SPATA31H1: variants seen among roughly 807,000 people sequenced by gnomAD.
SPATA31H1 encodes the protein SPATA31 subfamily H member 1.
the SPATA31H1 span, chr2:27,570,270 C>G: frequency 5.0e-6 from 2 of 398,706 alleles, no homozygotes; most frequent in African/African-American, 4.1e-5. Context: ...GAAATCTGTT[C>G]TGTCTACTGA....
the SPATA31H1 span, among the ~76,000 whole-genome samples, chr2:27,557,956 CA>C: frequency 2.5e-3 from 6 of 2,360 alleles, no homozygotes; most frequent in East Asian, 7.2e-3. Context: ...GCTGGCCAGG[CA>C]GAGGGGCTCC....
the SPATA31H1 span, among the ~76,000 whole-genome samples, chr2:27,546,462 G>C: frequency 6.6e-6 from 1 of 151,924 alleles, no homozygotes; most frequent in African/African-American, 2.4e-5. Flanking sequence ...AAATGAGTGA[G>C]GTACTCACCT....
At chr2:27,575,914 T>C in the SPATA31H1 span, 12 of 398,454 alleles carry the variant, frequency 3.0e-5, no homozygotes, top group Non-Finnish European at 5.3e-5. The surrounding 1 kb of genome is among the most constrained non-coding windows in gnomAD (Gnocchi z 4.1). Flanking sequence ...CTTCAAGGTA[T>C]GAAGTGTTCT....
chr2:27,570,669 T>C, the SPATA31H1 span: 1 of 398,034 alleles, frequency 2.5e-6, no homozygotes, highest in Non-Finnish European at 4.4e-6. Context: ...ACAGCTACAA[T>C]GTGTAAAAGT....
chr2:27,569,903 A>C, the SPATA31H1 span: 1 of 398,656 alleles, frequency 2.5e-6, no homozygotes, highest in Non-Finnish European at 4.4e-6. Context: ...AAGGCGAAAA[A>C]CCTGTAGAAT....
chr2:27,571,251 C>G, the SPATA31H1 span: 1 of 398,398 alleles, frequency 2.5e-6, no homozygotes, highest in South Asian at 1.3e-4. Context: ...GGGCTCAAAG[C>G]TTCAATCTGA....
chr2:27,541,423 GGGGAGA>G, the SPATA31H1 span, among the ~76,000 whole-genome samples: 17 of 151,716 alleles, frequency 1.1e-4, no homozygotes, highest in African/African-American at 3.9e-4. Context: ...AGAGGGGAGA[GGGGAGA>G]GGGAGAGGGA....
chr2:27,581,545 CAG>C, the SPATA31H1 span: 1 of 1,465,086 alleles, frequency 6.8e-7, no homozygotes, highest in Non-Finnish European at 9.3e-7. Context: ...CGCAGTCCCT[CAG>C]AGAGAAGCCA....
At chr2:27,539,899 C>T in the SPATA31H1 span, among the ~76,000 whole-genome samples, 531 of 121,104 alleles carry the variant, frequency 4.4e-3, 1 homozygote, top group Non-Finnish European at 7.2e-3. Context: ...CCGGATGGGG[C>T]GGCTGGCCGG....
chr2:27,582,696 T>G, the SPATA31H1 span: 1 of 655,994 alleles, frequency 1.5e-6, no homozygotes, highest in Non-Finnish European at 2.6e-6. Flanking sequence ...GTAATTTCTC[T>G]AAGATGAATA....
the SPATA31H1 span, chr2:27,571,915 G>T: frequency 1.5e-5 from 6 of 398,296 alleles, no homozygotes; most frequent in African/African-American, 1.2e-4. Context: ...CAGTTTCAAG[G>T]GATGGCACCT....
At chr2:27,563,610 A>T in the SPATA31H1 span, among the ~76,000 whole-genome samples, 1 of 150,058 alleles carries the variant, frequency 6.7e-6, no homozygotes, top group African/African-American at 2.5e-5. Flanking sequence ...CCCAGCCTGG[A>T]GTTCAGTGGC....
At chr2:27,552,393 A>G in the SPATA31H1 span, among the ~76,000 whole-genome samples, 1 of 151,918 alleles carries the variant, frequency 6.6e-6, no homozygotes, top group African/African-American at 2.4e-5. Flanking sequence ...TAGAAAATCA[A>G]TTGATTTGTA....
the SPATA31H1 span, chr2:27,571,361 AC>A: frequency 5.0e-6 from 2 of 398,264 alleles, no homozygotes; most frequent in Non-Finnish European, 8.9e-6. Flanking sequence ...TAACCTTCCC[AC>A]AGCCGGAAGG....
chr2:27,562,983 T>G, the SPATA31H1 span, among the ~76,000 whole-genome samples: 1 of 152,186 alleles, frequency 6.6e-6, no homozygotes, highest in East Asian at 1.9e-4. Flanking sequence ...TCAGATCATC[T>G]TCTATGTTTT....
chr2:27,581,327 C>T, the SPATA31H1 span: 3 of 1,614,030 alleles, frequency 1.9e-6, no homozygotes, highest in South Asian at 3.3e-5. Flanking sequence ...ATCACAGTCC[C>T]TCTCAGAGGA....
At chr2:27,561,440 C>T in the SPATA31H1 span, among the ~76,000 whole-genome samples, 5 of 152,114 alleles carry the variant, frequency 3.3e-5, no homozygotes, top group African/African-American at 9.7e-5. Flanking sequence ...TTAACATATC[C>T]ATCATCTCAC....
At chr2:27,563,926 A>G in the SPATA31H1 span, among the ~76,000 whole-genome samples, 1 of 152,028 alleles carries the variant, frequency 6.6e-6, no homozygotes, top group Non-Finnish European at 1.5e-5. Flanking sequence ...TATGTTGTCC[A>G]GGCTGGTCTC....
the SPATA31H1 span, among the ~76,000 whole-genome samples, chr2:27,562,217 A>G: frequency 6.6e-6 from 1 of 152,130 alleles, no homozygotes; most frequent in Admixed American, 6.6e-5. Context: ...TGATTTAGCT[A>G]TCAGTAGGCC....
Sources: gnomAD v4.1 joint callset for allele counts (sites outside exome capture counted in the v4.1 genomes callset) on GRCh38, gnomAD v4.1.1 for gene constraint, Gnocchi (gnomAD v3.1) non-coding constraint, MANE v1.5 for transcripts, NCBI Gene and HGNC (gene_info 2026-07-23, HGNC 2026-07-21) for gene names.